Variants in PRRC2B observed in about 807,000 individuals in gnomAD.
The protein encoded by PRRC2B is proline rich coiled-coil 2B.
In PRRC2B, 68 loss-of-function variants were observed where a neutral mutation model predicts 242.3. That is an observed-to-expected ratio of 0.28 (90% CI 0.23 to 0.34). The LOEUF is 0.34. Among genes scored for constraint, PRRC2B ranks in the 10% least tolerant of loss-of-function variants. The pLI is 1.00. For missense variants in PRRC2B, 2,835 were observed against 2,954.8 expected (o/e 0.96, Z 0.94); for synonymous variants, 1,228 against 1,173.6 (o/e 1.05, Z -0.95).
chr9:131,379,920 A>G (rs1836733824), intron 1 of PRRC2B, among the ~76,000 whole-genome samples: 2 of 149,488 alleles, frequency 1.3e-5, no homozygotes, highest in African/African-American at 2.5e-5. Context: ...TACCGCACCC[A>G]GCCAGCCTTT....
chr9:131,468,805 A>G lies in PRRC2B; in HGVS notation c.1911+1052A>G, dbSNP rs1943463236. Among the ~76,000 whole-genome samples the G allele has an allele frequency of 2.0e-5, 3 of 152,188 alleles. No homozygotes were observed. The South Asian group carries it at 6.2e-4, about 32-fold the overall frequency. On this transcript the variant is annotated intron_variant, in intron 13 of 31. Coordinates refer to ENST00000683519, the MANE Select transcript of PRRC2B (RefSeq NM_013318.4). Reference sequence around the variant, plus strand: ...CCCAGTATCTCACTTAATTACCTTTAAACTTCTCACCTCAGCCTCTTCTCT... The same window carrying G: ...CCCAGTATCTCACTTAATTACCTTTGAACTTCTCACCTCAGCCTCTTCTCT...
At chr9:131,471,105 A>G in intron 14 of PRRC2B, 122 bp downstream of exon 14, 2 of 622,534 alleles carry the variant, frequency 3.2e-6, no homozygotes, top group Non-Finnish European at 5.5e-6. Flanking sequence ...CAAGTACACA[A>G]CTGGTCTGAG....
chr9:131,460,944 G>A (rs565041789), intron 11 of PRRC2B, among the ~76,000 whole-genome samples: 9 of 152,222 alleles, frequency 5.9e-5, no homozygotes, highest in South Asian at 2.1e-4. Context: ...GACAGTTGCG[G>A]GGAATGTATG....
chr9:131,404,846 A>G (rs1837324415), intron 1 of PRRC2B, among the ~76,000 whole-genome samples: 3 of 152,330 alleles, frequency 2.0e-5, no homozygotes, highest in Admixed American at 2.0e-4. Flanking sequence ...GTTTTGGAAT[A>G]TTACACAATT....
At chr9:131,470,268 C>T (rs533163951) in intron 13 of PRRC2B, among the ~76,000 whole-genome samples, 16 of 152,174 alleles carry the variant, frequency 1.1e-4, no homozygotes, top group African/African-American at 3.1e-4. Context: ...GGGTGGAGAG[C>T]GGTGGAGAAC....
intron 9 of PRRC2B, among the ~76,000 whole-genome samples, chr9:131,451,563 G>A (rs2994066): frequency 0.38 from 57,745 of 151,914 alleles, 11,544 homozygotes; most frequent in Middle Eastern, 0.46. Context: ...TTCAGATTAC[G>A]TGCCTTTTAT....
chr9:131,478,390 A>C, intron 17 of PRRC2B, 84 bp from the exon 18 acceptor site: 6 of 1,277,994 alleles, frequency 4.7e-6, no homozygotes, highest in South Asian at 1.3e-5. Context: ...GCCTGATGCT[A>C]GATCTCAGGC....
At position 131,494,246 on chromosome 9, in the gene PRRC2B, T is replaced by C. The variant is rs1409828436; in HGVS notation, c.6474-159T>C. Among the ~76,000 whole-genome samples, 1 of 152,248 alleles carries C rather than the reference T, an allele frequency of 6.6e-6. No homozygotes were observed. The highest frequency in any genetic ancestry group is 6.5e-5 in the Admixed American group (1 of 15,284). ...TCTGCGTTCTGGGCTGTCTTAGGTC[T>C]GTGGTTGTTTTCCATCCAAGAGATC... On this transcript the variant is annotated intron_variant, in intron 30 of 31. Transcript: ENST00000683519. The surrounding 1 kb of genome is among the most constrained non-coding windows in gnomAD (Gnocchi z 4.3).
intron 10 of PRRC2B, among the ~76,000 whole-genome samples, chr9:131,458,049 C>T (rs1251199874): frequency 1.3e-5 from 2 of 152,236 alleles, no homozygotes; most frequent in East Asian, 3.9e-4. Context: ...TGTGAGGCGT[C>T]CAGACGAGCA....
At chr9:131,447,278 G>C in intron 8 of PRRC2B, 72 bp downstream of exon 8, 1 of 1,574,864 alleles carries the variant, frequency 6.3e-7, no homozygotes, top group South Asian at 1.1e-5. Context: ...ATGAGGGGCT[G>C]ATGAATAGAA....
At chr9:131,395,430 G>A (rs921393598) in intron 1 of PRRC2B, among the ~76,000 whole-genome samples, 13 of 152,114 alleles carry the variant, frequency 8.5e-5, no homozygotes, top group African/African-American at 2.9e-4. Flanking sequence ...GTGTAAGGTG[G>A]GACTGGGGAG....
At chr9:131,390,950 C>A (rs1311209481), upstream of PRRC2B, among the ~76,000 whole-genome samples, 4 of 151,604 alleles carry the variant, frequency 2.6e-5, no homozygotes, top group African/African-American at 9.7e-5. Flanking sequence ...CCAGGCCTGG[C>A]TAATTTTTGT....
intron 28 of PRRC2B, among the ~76,000 whole-genome samples, chr9:131,489,338 C>G (rs1334353126): frequency 6.6e-6 from 1 of 151,988 alleles, no homozygotes; most frequent in Non-Finnish European, 1.5e-5. Flanking sequence ...AGGCGCCCAC[C>G]ACCCACCGGC....
At chr9:131,441,460 G>A (rs910661607) in intron 5 of PRRC2B, among the ~76,000 whole-genome samples, 52 of 152,340 alleles carry the variant, frequency 3.4e-4, no homozygotes, top group African/African-American at 1.2e-3. Context: ...GAAGGCCAAG[G>A]TGAGAGGATT....
Position 131,381,641 on chromosome 9 carries a change from G to A in PRRC2B, c.-56+7910G>A, listed in dbSNP as rs541463137. On this transcript the variant is annotated intron_variant, in intron 1 of 1. Transcript: ENST00000682525. ...TCACCGTGTTAGCCAGGATGGTCTT[G>A]ATCTCCTGACCTCGTGATCTGCCTG... is the stretch of plus-strand genomic sequence containing the variant. Among the ~76,000 whole-genome samples the A allele has an allele frequency of 1.1e-4, 16 of 152,128 alleles. No homozygotes were observed. The South Asian group carries it at 2.7e-3, about 26-fold the overall frequency.
chr9:131,430,500 TATAGATATCTATAGATAGATAG>T (rs1564281472), intron 2 of PRRC2B, among the ~76,000 whole-genome samples: 1 of 57,404 alleles, frequency 1.7e-5, no homozygotes, highest in East Asian at 3.5e-3. Context: ...GAGATATATC[TATAGATATCTATAGATAGATAG>T]ATAGATATCT....
Position 131,482,540 on chromosome 9 carries a change from C to T in PRRC2B, c.5153C>T (p.Ala1718Val), listed in dbSNP as rs1414305072. 1.2e-6 allele frequency: 2 copies of T among 1,604,744 alleles called. No individual in the cohort carries two copies. Among genetic ancestry groups the T allele is most frequent in the Non-Finnish European group, 1.7e-6 (2 of 1,173,948 alleles). The part of the protein sequence containing the change: ...EPKADSHKEQ[A>V]PKPSEQKDSE... ...AAGGCCGACAGCCACAAGGAGCAGG[C>T]TCCAAAGCCATCTGAGCAGAAGGTA... The change falls in exon 21 of 32, where the codon GCT (alanine) becomes GTT (valine). Residue 1718 changes from alanine to valine, a missense_variant. Ala to Val is a moderately conservative substitution (Grantham distance 64). Coordinates refer to ENST00000683519, the MANE Select transcript of PRRC2B (RefSeq NM_013318.4). This position sits in a 1 kb window ranked among gnomAD's most constrained non-coding sequence, Gnocchi z 5.2.
chr9:131,411,719 A>G (rs1837513851), intron 1 of PRRC2B, among the ~76,000 whole-genome samples: 1 of 151,968 alleles, frequency 6.6e-6, no homozygotes, highest in Admixed American at 6.6e-5. Context: ...TTTAGTAGAG[A>G]GTGTTAGGTT....
rs1398997491 is a variant in PRRC2B, at chr9:131,470,840, A to T, written c.1964A>T (p.His655Leu). Residue 655 changes from histidine to leucine, a missense_variant, in exon 14 of 32, where the codon CAC becomes CTC. Transcript: ENST00000683519. Reference protein sequence around the residue: ...HWQPVYPPPSHPQRTFYPHHP... With the variant: ...HWQPVYPPPSLPQRTFYPHHP... Reference sequence around the variant, plus strand: ...CAGCCGGTGTACCCCCCGCCGTCCCACCCCCAGCGCACCTTTTACCCACAC... The same window carrying T: ...CAGCCGGTGTACCCCCCGCCGTCCCTCCCCCAGCGCACCTTTTACCCACAC... 7.7e-7 allele frequency: 1 copy of T among 1,294,156 alleles called. No individual in the cohort carries two copies. Among genetic ancestry groups the T allele is most frequent in the Admixed American group, 2.0e-5 (1 of 51,244 alleles). 80.2% of individuals were successfully genotyped at this position (1,294,156 alleles called of 1,614,324 possible).
Sources: allele counts gnomAD v4.1 joint callset (sites outside exome capture counted in the v4.1 genomes callset), GRCh38; gene constraint gnomAD v4.1.1; non-coding constraint Gnocchi (gnomAD v3.1); transcripts MANE v1.5; gene names NCBI Gene and HGNC (gene_info 2026-07-23, HGNC 2026-07-21).